The following P3H2 variants were observed in gnomAD, a reference collection of about 807,000 sequenced individuals.
The protein encoded by P3H2 is leprecan-like 1.
A neutral mutation model predicts 87.0 loss-of-function variants in P3H2; 80 were observed. The ratio of observed to expected loss-of-function variants is 0.92; its 90% CI spans 0.77 to 1.11. P3H2 has a LOEUF of 1.11. Among genes scored for constraint, P3H2 ranks in the 50% least tolerant of loss-of-function variants. The pLI is 0.00. For missense variants in P3H2, 1,001 were observed against 923.9 expected, an observed-to-expected ratio of 1.08 and a Z score of -1.08; for synonymous variants, 367 against 359.3, an observed-to-expected ratio of 1.02 and a Z score of -0.24.
intron 1 of P3H2, among the ~76,000 whole-genome samples, chr3:189,998,510 T>C (rs1384588237): frequency 2.0e-5 from 3 of 152,200 alleles, no homozygotes; most frequent in Non-Finnish European, 4.4e-5. Context: ...TACCACAATA[T>C]ACTCTCAACC....
intron 1 of P3H2, among the ~76,000 whole-genome samples, chr3:190,070,680 C>A (rs1040947297): frequency 6.6e-6 from 1 of 152,158 alleles, no homozygotes; most frequent in Admixed American, 6.5e-5. Context: ...GTTCTTATTA[C>A]TAACAATCCA....
upstream of P3H2, chr3:190,120,938 C>T (rs763766551): frequency 6.5e-5 from 44 of 674,828 alleles, no homozygotes; most frequent in Non-Finnish European, 9.3e-5. Context: ...GGGACGCCCA[C>T]AGCTCACACG....
chr3:190,096,457 T>C (rs1477428896), intron 1 of P3H2, among the ~76,000 whole-genome samples: 1 of 129,896 alleles, frequency 7.7e-6, no homozygotes, highest in Non-Finnish European at 1.6e-5. Context: ...TCACTATGAC[T>C]GTAAGCTTCC....
At chr3:190,055,517 C>T (rs1359075507) in intron 1 of P3H2, among the ~76,000 whole-genome samples, 4 of 77,178 alleles carry the variant, frequency 5.2e-5, no homozygotes, top group Non-Finnish European at 9.2e-5. Context: ...AAACTCTATA[C>T]AGAGTGCTTT....
chr3:190,091,369 A>G (rs1296245566), intron 1 of P3H2, among the ~76,000 whole-genome samples: 1 of 152,232 alleles, frequency 6.6e-6, no homozygotes, highest in Non-Finnish European at 1.5e-5. Context: ...TTACCTTAAC[A>G]GTAACTTCTT....
At chr3:190,012,587 C>T (rs1724628784) in intron 1 of P3H2, among the ~76,000 whole-genome samples, 1 of 152,104 alleles carries the variant, frequency 6.6e-6, no homozygotes, top group African/African-American at 2.4e-5. Context: ...TCTAGTGTTC[C>T]TCTTCTTGGG....
intron 1 of P3H2, among the ~76,000 whole-genome samples, chr3:190,013,438 T>A (rs1478135321): frequency 6.6e-6 from 1 of 152,192 alleles, no homozygotes; most frequent in Non-Finnish European, 1.5e-5. Flanking sequence ...CAGTTGAAGA[T>A]CTGTTAGCAA....
intron 1 of P3H2, among the ~76,000 whole-genome samples, chr3:190,066,158 T>TATACACACACACACAC (rs1256956930): frequency 6.2e-4 from 84 of 134,588 alleles, no homozygotes; most frequent in African/African-American, 2.3e-3. Flanking sequence ...TATATATATA[T>TATACACACACACACAC]ACACACACAC....
chr3:190,101,203 C>A (rs1181465427), intron 1 of P3H2, among the ~76,000 whole-genome samples: 40 of 151,544 alleles, frequency 2.6e-4, no homozygotes, highest in Admixed American at 2.6e-3. Flanking sequence ...TGAAATTAGG[C>A]CAATTAATAA....
At chr3:190,086,432 ATCTC>A (rs1267646973) in intron 1 of P3H2, among the ~76,000 whole-genome samples, 2 of 152,152 alleles carry the variant, frequency 1.3e-5, no homozygotes, top group Non-Finnish European at 2.9e-5. Context: ...TGCCCAGCTC[ATCTC>A]TCTAATTCCC....
chr3:190,057,634 C>T (rs915405168), intron 1 of P3H2, among the ~76,000 whole-genome samples: 1 of 137,514 alleles, frequency 7.3e-6, no homozygotes, highest in Non-Finnish European at 1.7e-5. Context: ...AAAAAGCCAT[C>T]ACACTTTATC....
At chr3:190,068,466 C>A (rs1457256569) in intron 1 of P3H2, among the ~76,000 whole-genome samples, 1 of 152,104 alleles carries the variant, frequency 6.6e-6, no homozygotes, top group Non-Finnish European at 1.5e-5. Context: ...GGGAAGTTAC[C>A]CCACACCCTT....
Position 190,120,394 on chromosome 3 carries a change from A to G in P3H2, c.338T>C (p.Leu113Ser). 6 of 1,544,472 alleles carry G rather than the reference A, an allele frequency of 3.9e-6. No individual in the cohort carries two copies. Among genetic ancestry groups the G allele is most frequent in the Non-Finnish European group, 5.2e-6 (6 of 1,151,378 alleles). Residue 113 changes from leucine to serine, a missense_variant, in exon 1 of 15, where the codon TTG becomes TCG. Leu to Ser is a moderately radical substitution (Grantham distance 145). Coordinates refer to ENST00000319332, the MANE Select transcript of P3H2 (RefSeq NM_018192.4). ...PGAELPLFRS[L>S]LGRARCYRSC... ...GCGATAACAGCGCGCCCGCCCCAAC[A>G]AGGAGCGGAAAAGGGGCAGCTCAGC... is the stretch of plus-strand genomic sequence containing the variant.
chr3:190,103,840 G>A (rs746824473), intron 1 of P3H2, among the ~76,000 whole-genome samples: 2 of 151,946 alleles, frequency 1.3e-5, no homozygotes, highest in Non-Finnish European at 2.9e-5. Flanking sequence ...CACCTAGGCT[G>A]GGGTGCAGTG....
intron 1 of P3H2, among the ~76,000 whole-genome samples, chr3:190,052,179 T>A (rs139727797): frequency 6.6e-6 from 1 of 152,160 alleles, no homozygotes; most frequent in Non-Finnish European, 1.5e-5. Context: ...CCTATCAACC[T>A]GTCATTCAGG....
intron 1 of P3H2, among the ~76,000 whole-genome samples, chr3:190,084,842 C>T (rs1727158568): frequency 6.6e-6 from 1 of 151,870 alleles, no homozygotes; most frequent in South Asian, 2.1e-4. Context: ...CTTAATACCT[C>T]GCTCAGTAGG....
At chr3:189,983,185 C>T (rs374781127) in intron 7 of P3H2, 45 bp from the exon 8 acceptor site, 13 of 1,432,908 alleles carry the variant, frequency 9.1e-6, no homozygotes, top group Admixed American at 6.7e-5. Context: ...CATTGAATAA[C>T]GATGTTCAAA....
intron 1 of P3H2, among the ~76,000 whole-genome samples, chr3:190,024,624 T>C (rs1253945576): frequency 1.3e-5 from 2 of 151,950 alleles, no homozygotes. Context: ...CTCTTTCATA[T>C]GCATTGATGG....
At chr3:190,029,179 T>C (rs1725178777) in intron 1 of P3H2, among the ~76,000 whole-genome samples, 1 of 152,208 alleles carries the variant, frequency 6.6e-6, no homozygotes, top group African/African-American at 2.4e-5. Flanking sequence ...TTTGGAGCTC[T>C]CAATATCTGA....
Sources: allele counts gnomAD v4.1 joint callset (sites outside exome capture counted in the v4.1 genomes callset), GRCh38; gene constraint gnomAD v4.1.1; transcripts MANE v1.5; gene names NCBI Gene and HGNC (gene_info 2026-07-23, HGNC 2026-07-21).